UTRN: variants seen among roughly 807,000 people sequenced by gnomAD.
UTRN encodes the protein dystrophin-related protein 1.
A neutral mutation model predicts 463.9 loss-of-function variants in UTRN; 283 were observed. The ratio of observed to expected loss-of-function variants is 0.61; its 90% CI spans 0.55 to 0.67. The LOEUF is 0.67. Among genes scored for constraint, UTRN ranks in the 30% least tolerant of loss-of-function variants. The pLI is 0.00. For missense variants in UTRN, 3,922 were observed against 4,084.3 expected (o/e 0.96, Z 1.08); for synonymous variants, 1,442 against 1,431.5 (o/e 1.01, Z -0.17).
At chr6:144,679,678 T>G (rs566328120) in intron 52 of UTRN, among the ~76,000 whole-genome samples, 1 of 152,188 alleles carries the variant, frequency 6.6e-6, no homozygotes, top group South Asian at 2.1e-4. Flanking sequence ...TAGTTAAGTA[T>G]TTTTATACAT....
chr6:144,507,531 G>A (rs888735248), intron 34 of UTRN, among the ~76,000 whole-genome samples: 36 of 152,098 alleles, frequency 2.4e-4, no homozygotes, highest in Admixed American at 2.3e-3. Flanking sequence ...CTCTGCTGCA[G>A]GTCTGCTGGA....
intron 66 of UTRN, among the ~76,000 whole-genome samples, chr6:144,822,167 A>G (rs915753984): frequency 5.9e-5 from 9 of 152,136 alleles, no homozygotes; most frequent in African/African-American, 1.7e-4. Flanking sequence ...ACATGTCAAA[A>G]TAGAAGAATA....
intron 37 of UTRN, among the ~76,000 whole-genome samples, chr6:144,515,961 A>T (rs1795576878): frequency 6.6e-6 from 1 of 152,226 alleles, no homozygotes; most frequent in Non-Finnish European, 1.5e-5. Context: ...TGTGGTCTCC[A>T]AATCCACGCC....
chr6:144,739,844 T>C (rs537305714), intron 54 of UTRN, among the ~76,000 whole-genome samples: 1 of 152,286 alleles, frequency 6.6e-6, no homozygotes, highest in Admixed American at 6.5e-5. Flanking sequence ...AACATGGGAC[T>C]CAGGGACTGC....
At chr6:144,334,069 T>C (rs1241415037) in intron 2 of UTRN, among the ~76,000 whole-genome samples, 1 of 152,094 alleles carries the variant, frequency 6.6e-6, no homozygotes, top group Non-Finnish European at 1.5e-5. Flanking sequence ...CAAATGCCCT[T>C]TTATTTTTTT....
chr6:144,751,986 A>C, intron 56 of UTRN, 34 bp downstream of exon 56: 1 of 1,562,074 alleles, frequency 6.4e-7, no homozygotes, highest in Non-Finnish European at 8.6e-7. Context: ...ATGCAGGCTT[A>C]CACCTTGGGT....
chr6:144,445,480 GT>G (rs1472739665), intron 14 of UTRN, among the ~76,000 whole-genome samples: 2 of 151,714 alleles, frequency 1.3e-5, no homozygotes. Context: ...AAACTCAAGT[GT>G]GTGATGTTTT....
chr6:144,438,177 G>T (rs1226226321), intron 11 of UTRN, among the ~76,000 whole-genome samples: 1 of 152,120 alleles, frequency 6.6e-6, no homozygotes, highest in Non-Finnish European at 1.5e-5. Context: ...GAGGTATGAG[G>T]ATCGCTTGAA....
rs141223783 is a variant in UTRN, at chr6:144,719,779, G to A, written c.7810-10578G>A. On this transcript the variant is annotated intron_variant, in intron 53 of 74. Coordinates refer to ENST00000367545, the MANE Select transcript of UTRN (RefSeq NM_007124.3). ...TTTAGAATTTATTCTAAGTGCAACA[G>A]GAAGCCATGGGAGGAGGGTTTTAAA... 2.7e-3 allele frequency among the ~76,000 whole-genome samples: 407 copies of A among 152,308 alleles called. 1 individual carries two copies. Among genetic ancestry groups the A allele is most frequent in the African/African-American group, 9.0e-3 (376 of 41,554 alleles).
intron 53 of UTRN, among the ~76,000 whole-genome samples, chr6:144,720,250 C>T (rs1423497809): frequency 6.6e-6 from 1 of 152,236 alleles, no homozygotes; most frequent in Non-Finnish European, 1.5e-5. Flanking sequence ...ACGCCAATCA[C>T]TTCTTTATAC....
chr6:144,656,036 G>C (rs1188691799), intron 51 of UTRN, among the ~76,000 whole-genome samples: 1 of 151,924 alleles, frequency 6.6e-6, no homozygotes, highest in Non-Finnish European at 1.5e-5. Context: ...TGTGGTTCTG[G>C]AACTTTTTGC....
chr6:144,553,766 C>T (rs906987906), intron 48 of UTRN, among the ~76,000 whole-genome samples: 41 of 151,890 alleles, frequency 2.7e-4, no homozygotes, highest in African/African-American at 9.2e-4. Flanking sequence ...CAAAAGTAGC[C>T]GGGTGTGGTG....
chr6:144,696,464 G>A (rs1016862280), intron 52 of UTRN, among the ~76,000 whole-genome samples: 3 of 152,142 alleles, frequency 2.0e-5, no homozygotes, highest in Admixed American at 6.5e-5. Context: ...GATGTCTACT[G>A]TATTGGAATC....
At chr6:144,588,082 T>C (rs1485836617) in intron 51 of UTRN, among the ~76,000 whole-genome samples, 4 of 152,132 alleles carry the variant, frequency 2.6e-5, no homozygotes, top group Non-Finnish European at 5.9e-5. Flanking sequence ...CAGACTACTT[T>C]CTCTACTCTG....
intron 41 of UTRN, among the ~76,000 whole-genome samples, chr6:144,530,739 T>C (rs1458917598): frequency 2.6e-5 from 4 of 151,848 alleles, no homozygotes; most frequent in African/African-American, 9.7e-5. Flanking sequence ...TGTGTGTGAG[T>C]GTGTTTGTGA....
chr6:144,732,708 GTTATGT>G (rs1788866314), intron 54 of UTRN, among the ~76,000 whole-genome samples: 1 of 150,324 alleles, frequency 6.7e-6, no homozygotes, highest in Non-Finnish European at 1.5e-5. Flanking sequence ...GTTATGTTAT[GTTATGT>G]TATGTTATGT....
chr6:144,301,034 G>T (rs1805196565), intron 2 of UTRN, among the ~76,000 whole-genome samples: 1 of 151,890 alleles, frequency 6.6e-6, no homozygotes, highest in African/African-American at 2.4e-5. Flanking sequence ...AAGGCTCCTG[G>T]ACTTACCCTA....
chr6:144,846,631 T>C (rs1394570473), intron 73 of UTRN, among the ~76,000 whole-genome samples, 174 bp from the exon 74 acceptor site: 1 of 150,484 alleles, frequency 6.6e-6, no homozygotes. Flanking sequence ...ATTGAAGCAT[T>C]AAGCCAGGAA....
chr6:144,334,012 AT>A (rs1319613873), intron 2 of UTRN, among the ~76,000 whole-genome samples: 2 of 152,244 alleles, frequency 1.3e-5, no homozygotes, highest in Non-Finnish European at 2.9e-5. Context: ...TTTTCAAACT[AT>A]TTTAAGAGAG....
Sources: allele counts gnomAD v4.1 joint callset (sites outside exome capture counted in the v4.1 genomes callset), GRCh38; gene constraint gnomAD v4.1.1; transcripts MANE v1.5; gene names NCBI Gene and HGNC (gene_info 2026-07-23, HGNC 2026-07-21).